The following METTL8 variants were observed in gnomAD, a reference collection of about 807,000 sequenced individuals.
METTL8 encodes the protein methyltransferase 8, tRNA N3-cytidine.
In METTL8, 32 loss-of-function variants were observed where a neutral mutation model predicts 48.7. The observed-to-expected ratio is 0.66, with a 90% CI of 0.50 to 0.88. METTL8 has a LOEUF of 0.88. Ranked by LOEUF, METTL8 falls within the 40% of genes least tolerant of loss-of-function variation. METTL8 has a pLI of 0.00. For synonymous variants in METTL8, 136 were observed against 157.1 expected (o/e 0.87, Z 1.01); for missense variants, 464 against 474.4 (o/e 0.98, Z 0.20).
intron 3 of METTL8, among the ~76,000 whole-genome samples, chr2:171,340,115 T>C (rs1180246276): frequency 6.6e-6 from 1 of 151,230 alleles, no homozygotes; most frequent in African/African-American, 2.4e-5. Context: ...GGAGAATTGC[T>C]TGAACCTGGG....
Position 171,331,484 on chromosome 2 carries a change from T to G in METTL8, c.720+320A>C, listed in dbSNP as rs933508182. ...CAGGCTGGAGTGCTGTGGCACGATC[T>G]TGGCACACCGCAACCTCCACCTCCC... On this transcript the variant is annotated intron_variant, in intron 6 of 9. Coordinates refer to ENST00000375258, the MANE Select transcript of METTL8 (RefSeq NM_001321154.2). Among the ~76,000 whole-genome samples the G allele has an allele frequency of 7.3e-5, 11 of 151,594 alleles. 1 individual carries two copies. Among genetic ancestry groups the G allele is most frequent in the African/African-American group, 2.4e-4 (10 of 41,282 alleles).
intron 3 of METTL8, among the ~76,000 whole-genome samples, chr2:171,351,508 T>C (rs1025237010): frequency 6.6e-6 from 1 of 152,238 alleles, no homozygotes; most frequent in African/African-American, 2.4e-5. Flanking sequence ...AGAAAGTCAT[T>C]GGCAGCTTGA....
intron 1 of METTL8, among the ~76,000 whole-genome samples, chr2:171,429,320 G>A (rs1692741183): frequency 6.6e-6 from 1 of 152,162 alleles, no homozygotes; most frequent in Non-Finnish European, 1.5e-5. Context: ...TGTTTGTCAA[G>A]TAAAGGACAA....
At chr2:171,347,266 C>T (rs1479380583) in intron 3 of METTL8, among the ~76,000 whole-genome samples, 1 of 152,208 alleles carries the variant, frequency 6.6e-6, no homozygotes, top group African/African-American at 2.4e-5. Flanking sequence ...GTATCATCAA[C>T]CCTCTCCTGC....
At chr2:171,366,162 G>A (rs554865019) in intron 2 of METTL8, among the ~76,000 whole-genome samples, 2 of 152,332 alleles carry the variant, frequency 1.3e-5, no homozygotes, top group African/African-American at 4.8e-5. Context: ...TTCTAGGAAT[G>A]AGGATGGAGA....
intron 3 of METTL8, among the ~76,000 whole-genome samples, chr2:171,359,506 C>T (rs960719332): frequency 1.3e-5 from 2 of 152,124 alleles, no homozygotes. Context: ...ACCAATGCCA[C>T]TACTGGGTAT....
intron 2 of METTL8, among the ~76,000 whole-genome samples, chr2:171,386,960 G>C (rs141422407): frequency 6.6e-6 from 1 of 152,214 alleles, no homozygotes; most frequent in Non-Finnish European, 1.5e-5. Flanking sequence ...AGCCAGAGGA[G>C]AGCCCAGTCC....
intron 1 of METTL8, among the ~76,000 whole-genome samples, chr2:171,411,069 C>T (rs1333643994): frequency 1.3e-5 from 2 of 152,024 alleles, no homozygotes; most frequent in Non-Finnish European, 2.9e-5. Context: ...TATGAAATAC[C>T]TAGGAATAAA....
rs765104859 is a variant in METTL8 at position 171,326,053 on chromosome 2, C to T, written c.956G>A (p.Arg319His). 2.3e-4 allele frequency: 354 copies of T among 1,535,396 alleles called. No individual in the cohort carries two copies. Among genetic ancestry groups the T allele is most frequent in the Admixed American group, 3.2e-4 (16 of 50,136 alleles). The change falls in exon 8 of 10, where the codon CGT (arginine) becomes CAT (histidine). Residue 319 changes from arginine to histidine, a missense_variant. By Grantham distance (29) the Arg-to-His change is conservative. Coordinates refer to ENST00000375258, the MANE Select transcript of METTL8 (RefSeq NM_001321154.2). Reference protein sequence around the residue: ...DYGRYDKTQLRFKKGHCLSEN... With the variant: ...DYGRYDKTQLHFKKGHCLSEN... The stretch of plus-strand genomic sequence containing the variant: ...GAATATACTATTACCCTTTTTAAAA[C>T]GAAGCTGAGTCTTATCATATCTTCC...
chr2:171,388,157 T>A (rs2105552384), intron 2 of METTL8, among the ~76,000 whole-genome samples: 1 of 152,354 alleles, frequency 6.6e-6, no homozygotes, highest in Admixed American at 6.5e-5. Context: ...AGAGTCAACT[T>A]CTTCCTTTTT....
intron 5 of METTL8, among the ~76,000 whole-genome samples, chr2:171,336,256 C>G (rs567883058): frequency 4.0e-4 from 57 of 144,178 alleles, no homozygotes; most frequent in Non-Finnish European, 6.4e-4. Context: ...CCACCACACC[C>G]AGCTAATTTT....
rs144686585 is a variant in METTL8, at chr2:171,390,162, A to G, written c.143+1881T>C. Among the ~76,000 whole-genome samples the G allele has an allele frequency of 6.0e-3, 921 of 152,316 alleles. 9 individuals are homozygous for G. Among genetic ancestry groups the G allele is most frequent in the African/African-American group, 0.02 (845 of 41,570 alleles). ...AACAACAAAGCCTGGATGACAACAC[A>G]TCTGTTTATAGCATGGTTTACTGAA... On this transcript the variant is annotated intron_variant, in intron 2 of 9. Transcript: ENST00000375258.
Position 171,337,683 on chromosome 2 carries a change from T to C in METTL8, c.607-181A>G, listed in dbSNP as rs530516661. Reference sequence around the variant, plus strand: ...GAATAAACACTAAGAAATCTGACTATGGAAACATTTAAATTTTTTACACAC... The same window carrying C: ...GAATAAACACTAAGAAATCTGACTACGGAAACATTTAAATTTTTTACACAC... On this transcript the variant is annotated intron_variant, in intron 4 of 9. Transcript: ENST00000375258. Among the ~76,000 whole-genome samples the C allele has an allele frequency of 2.0e-5, 3 of 152,024 alleles. No individual in the cohort carries two copies. The East Asian group carries it at 5.8e-4, about 29-fold the overall frequency.
chr2:171,403,915 T>A (rs1382959202), intron 1 of METTL8, among the ~76,000 whole-genome samples: 3 of 150,516 alleles, frequency 2.0e-5, no homozygotes, highest in Non-Finnish European at 4.4e-5. Flanking sequence ...CAAACAGAAT[T>A]TTAAATAAGA....
intron 2 of METTL8, among the ~76,000 whole-genome samples, chr2:171,378,496 G>T (rs1277137110): frequency 6.6e-6 from 1 of 152,120 alleles, no homozygotes; most frequent in East Asian, 1.9e-4. Flanking sequence ...GCTGGGTGTG[G>T]TGGCATGCGC....
upstream of METTL8, chr2:171,434,746 C>CGCGGCGGCCGA (rs1693718761): frequency 5.0e-6 from 7 of 1,390,966 alleles, no homozygotes; most frequent in Non-Finnish European, 5.5e-6. Flanking sequence ...GCCGCGGGCG[C>CGCGGCGGCCGA]GCGGCGGCCG....
At chr2:171,408,894 C>T (rs747273292) in intron 1 of METTL8, among the ~76,000 whole-genome samples, 21 of 151,008 alleles carry the variant, frequency 1.4e-4, no homozygotes, top group Non-Finnish European at 5.9e-5. Flanking sequence ...GTGCTGGGTG[C>T]GTGGTAAGTG....
chr2:171,394,824 G>T (rs188181872), intron 1 of METTL8, among the ~76,000 whole-genome samples: 1 of 152,174 alleles, frequency 6.6e-6, no homozygotes, highest in Admixed American at 6.6e-5. Context: ...CATAAAAATG[G>T]TATTTGTCTG....
At chr2:171,406,188 T>G (rs1350460752) in intron 1 of METTL8, among the ~76,000 whole-genome samples, 1 of 152,200 alleles carries the variant, frequency 6.6e-6, no homozygotes, top group Non-Finnish European at 1.5e-5. Context: ...GCATAGTGAT[T>G]GGTTAGGAAG....
Sources: gnomAD v4.1 joint callset for allele counts (sites outside exome capture counted in the v4.1 genomes callset) on GRCh38, gnomAD v4.1.1 for gene constraint, MANE v1.5 for transcripts, NCBI Gene and HGNC (gene_info 2026-07-23, HGNC 2026-07-21) for gene names.